The following KCNMB2 variants were observed in gnomAD, a reference collection of about 807,000 sequenced individuals.
The protein encoded by KCNMB2 is potassium calcium-activated channel subfamily M regulatory beta subunit 2, also known as calcium-activated potassium channel subunit beta-2.
Under a neutral mutation model 24.5 loss-of-function variants are expected in KCNMB2, and 9 were observed. The ratio of observed to expected loss-of-function variants is 0.37; its 90% CI spans 0.22 to 0.64. KCNMB2 has a LOEUF of 0.64. KCNMB2 is among the 30% of genes least tolerant of loss of function. The pLI is 0.63. For missense variants in KCNMB2, 226 were observed against 284.3 expected (o/e 0.79, Z 1.47); for synonymous variants, 109 against 104.4 (o/e 1.04, Z -0.27).
chr3:178,819,602 G>A (rs570429431), intron 2 of KCNMB2, among the ~76,000 whole-genome samples: 7 of 151,958 alleles, frequency 4.6e-5, no homozygotes, highest in African/African-American at 1.7e-4. Context: ...TAGGTCAGTG[G>A]GCCAGACTTC....
chr3:178,673,080 CT>C (rs1720959292), intron 1 of KCNMB2, among the ~76,000 whole-genome samples: 1 of 152,128 alleles, frequency 6.6e-6, no homozygotes, highest in Non-Finnish European at 1.5e-5. Context: ...TCTTACCCAG[CT>C]TAAAGTGCAT....
At chr3:178,655,923 C>T (rs1237138744) in intron 1 of KCNMB2, among the ~76,000 whole-genome samples, 1 of 152,204 alleles carries the variant, frequency 6.6e-6, no homozygotes. Context: ...CAGTAACTAT[C>T]AGCCTTCTTT....
At chr3:178,722,247 C>T (rs1276429727) in intron 1 of KCNMB2, among the ~76,000 whole-genome samples, 1 of 152,064 alleles carries the variant, frequency 6.6e-6, no homozygotes, top group African/African-American at 2.4e-5. Flanking sequence ...TTTTTTTACA[C>T]ACATATATAC....
intron 1 of KCNMB2, among the ~76,000 whole-genome samples, chr3:178,699,853 C>G (rs1722021885): frequency 6.6e-6 from 1 of 152,248 alleles, no homozygotes; most frequent in South Asian, 2.1e-4. Context: ...GCTCTTGCTG[C>G]TACCTCAAGT....
At chr3:178,666,689 A>G (rs922603049) in intron 1 of KCNMB2, among the ~76,000 whole-genome samples, 2 of 152,192 alleles carry the variant, frequency 1.3e-5, no homozygotes, top group Non-Finnish European at 2.9e-5. Flanking sequence ...AATGCCCACC[A>G]TGAACAAGGC....
At chr3:178,745,073 T>G (rs1723620248) in intron 1 of KCNMB2, among the ~76,000 whole-genome samples, 1 of 152,230 alleles carries the variant, frequency 6.6e-6, no homozygotes, top group Non-Finnish European at 1.5e-5. Flanking sequence ...ATAAAGTTGT[T>G]GAAAGATTCA....
chr3:178,653,797 T>A lies in KCNMB2; in HGVS notation c.-68+117086T>A, dbSNP rs139467619. ...AAATATACTGTAAAATTTGGCTAGC[T>A]GAGATTTTACTTGCAACATCTGCAC... On this transcript the variant is annotated intron_variant, in intron 1 of 4. Transcript: ENST00000452583. 1.3e-3 allele frequency among the ~76,000 whole-genome samples: 202 copies of A among 152,316 alleles called. 2 individuals are homozygous for A. Among genetic ancestry groups the A allele is most frequent in the African/African-American group, 4.7e-3 (197 of 41,582 alleles).
intron 1 of KCNMB2, among the ~76,000 whole-genome samples, chr3:178,734,805 T>C (rs897527137): frequency 2.6e-5 from 4 of 152,216 alleles, no homozygotes; most frequent in African/African-American, 4.8e-5. Flanking sequence ...AGTATATCTA[T>C]TAAAAGGCCT....
chr3:178,717,012 C>T (rs994832710), intron 1 of KCNMB2, among the ~76,000 whole-genome samples: 43 of 150,910 alleles, frequency 2.8e-4, no homozygotes, highest in African/African-American at 9.8e-4. Flanking sequence ...GCTTGTCAGG[C>T]TTATGCCCAC....
chr3:178,837,720 C>T (rs1715284027), intron 4 of KCNMB2, among the ~76,000 whole-genome samples: 1 of 151,974 alleles, frequency 6.6e-6, no homozygotes, highest in Admixed American at 6.6e-5. Context: ...CCTCATCCAT[C>T]CAGCCCACAT....
intron 1 of KCNMB2, among the ~76,000 whole-genome samples, chr3:178,730,484 T>C (rs1723114017): frequency 6.8e-6 from 1 of 146,830 alleles, no homozygotes; most frequent in Non-Finnish European, 1.5e-5. Flanking sequence ...CTAACTGATC[T>C]CTTTGTTTCC....
chr3:178,768,345 A>T (rs1160107204), intron 1 of KCNMB2, among the ~76,000 whole-genome samples: 1 of 152,012 alleles, frequency 6.6e-6, no homozygotes, highest in Non-Finnish European at 1.5e-5. Flanking sequence ...CCAGCCCATT[A>T]CACTCTCCAT....
At chr3:178,719,033 G>A (rs527351250) in intron 1 of KCNMB2, among the ~76,000 whole-genome samples, 5 of 152,264 alleles carry the variant, frequency 3.3e-5, no homozygotes, top group African/African-American at 9.6e-5. Flanking sequence ...GCAGCCTCCA[G>A]CCCAGCCCTG....
chr3:178,645,045 A>ATTTTT (rs10576689), intron 1 of KCNMB2, among the ~76,000 whole-genome samples: 11 of 92,446 alleles, frequency 1.2e-4, no homozygotes, highest in Non-Finnish European at 1.9e-4. Flanking sequence ...AAGATCCAAG[A>ATTTTT]TTTTTTTTTT....
chr3:178,587,791 G>A (rs980717738), intron 1 of KCNMB2, among the ~76,000 whole-genome samples: 1 of 151,274 alleles, frequency 6.6e-6, no homozygotes, highest in African/African-American at 2.4e-5. Context: ...ACAACGTGCA[G>A]GTTTGTTACA....
chr3:178,732,118 G>A (rs6443571), intron 1 of KCNMB2, among the ~76,000 whole-genome samples: 108,648 of 152,048 alleles, frequency 0.71, 39,957 homozygotes, highest in African/African-American at 0.92. Flanking sequence ...AGATTAAAAG[G>A]GATTTAAGAA....
intron 1 of KCNMB2, among the ~76,000 whole-genome samples, chr3:178,714,661 G>C (rs1722561452): frequency 6.6e-6 from 1 of 152,188 alleles, no homozygotes; most frequent in African/African-American, 2.4e-5. Context: ...GACTCTTTTG[G>C]GTCAAATGAA....
chr3:178,559,470 C>G (rs1167916113), intron 1 of KCNMB2, among the ~76,000 whole-genome samples: 2 of 151,392 alleles, frequency 1.3e-5, no homozygotes, highest in East Asian at 3.9e-4. Flanking sequence ...TCTAGACACG[C>G]AAACTGAGTT....
chr3:178,567,050 G>A (rs927620133), intron 1 of KCNMB2, among the ~76,000 whole-genome samples: 3 of 152,160 alleles, frequency 2.0e-5, no homozygotes, highest in East Asian at 1.9e-4. Context: ...GAAGTAGTTC[G>A]ATTATTTTCA....
Sources: allele counts gnomAD v4.1 joint callset (sites outside exome capture counted in the v4.1 genomes callset), GRCh38; gene constraint gnomAD v4.1.1; transcripts MANE v1.5; gene names NCBI Gene and HGNC (gene_info 2026-07-23, HGNC 2026-07-21).